Variants in RAD9A observed in about 807,000 individuals in gnomAD.
RAD9A encodes the protein cell cycle checkpoint control protein RAD9A.
In RAD9A, 25 loss-of-function variants were observed where a neutral mutation model predicts 41.2. The ratio of observed to expected loss-of-function variants is 0.61; its 90% CI spans 0.44 to 0.85. RAD9A has a LOEUF of 0.85. Ranked by LOEUF, RAD9A falls within the 40% of genes least tolerant of loss-of-function variation. The pLI, the probability that RAD9A is intolerant of heterozygous loss-of-function variation, is 0.00. For synonymous variants in RAD9A, 252 were observed against 210.6 expected (o/e 1.20, Z -1.70); for missense variants, 514 against 518.3 (o/e 0.99, Z 0.08).
At chr11:67,396,612 C>T (rs1196457354) in intron 9 of RAD9A, among the ~76,000 whole-genome samples, 3 of 152,220 alleles carry the variant, frequency 2.0e-5, no homozygotes, top group African/African-American at 4.8e-5. Context: ...CCCCTCCCAC[C>T]CAGGGAAGCA....
chr11:67,392,262 G>GGGGTTGGGGGGGGGGGGGGGGGGGGC, intron 2 of RAD9A, 31 bp downstream of exon 2: 7 of 600,702 alleles, frequency 1.2e-5, no homozygotes, highest in Non-Finnish European at 1.8e-5. Flanking sequence ...GGGCGGGTGG[G>GGGGTTGGGGGGGGGGGGGGGGGGGGC]ACTCCAGCCG....
Position 67,393,725 on chromosome 11 carries a change from C to T in RAD9A, c.384C>T (p.Asp128=). The T allele has an allele frequency of 6.2e-7, 1 of 1,613,586 alleles. No homozygotes were observed. The highest frequency in any genetic ancestry group is 8.5e-7 in the Non-Finnish European group (1 of 1,179,826). ...AGACTCACAACCTGTCCTTCCAGGACTGTGAGTCCCTGCAGGCCGTCTTCG... is the reference window on the plus strand; with the variant it reads ...AGACTCACAACCTGTCCTTCCAGGATTGTGAGTCCCTGCAGGCCGTCTTCG... ...VRKTHNLSFQ[D]CESLQAVFDP... Residue 128 remains aspartate, a synonymous_variant, in exon 5 of 11, where the codon GAC becomes GAT. Transcript: ENST00000307980.
chr11:67,392,800 G>A lies in RAD9A; in HGVS notation c.234+18G>A. 2 of 1,613,192 alleles carry A rather than the reference G, an allele frequency of 1.2e-6. No homozygotes were observed. The highest frequency in any genetic ancestry group is 8.5e-7 in the Non-Finnish European group (1 of 1,179,374). On this transcript the variant is annotated intron_variant, in intron 3 of 10. Transcript: ENST00000307980. Reference sequence around the variant, plus strand: ...TGATGAAGGTGAGGCCCTTCCCTCAGCAGTGGCACTACTCCACCCCAGGAA... The same window carrying A: ...TGATGAAGGTGAGGCCCTTCCCTCAACAGTGGCACTACTCCACCCCAGGAA...
In RAD9A at chr11:67,392,758, G is replaced by C; in HGVS notation, c.210G>C (p.Leu70=). Residue 70 remains leucine (L), a synonymous_variant, in exon 3 of 11, where the codon CTG becomes CTC. Transcript: ENST00000307980. ...AGGCAGCCACCCCTGGTCAGGACCT[G>C]CTGCGCTGTAAGATCCTGATGAAGG... ...QYQAATPGQD[L]LRCKILMKSF... The C allele has an allele frequency of 6.2e-7, 1 of 1,614,054 alleles. No homozygotes were observed. The highest frequency in any genetic ancestry group is 8.5e-7 in the Non-Finnish European group (1 of 1,179,982).
At chr11:67,392,590 G>A in intron 2 of RAD9A, 64 bp from the exon 3 acceptor site, 1 of 1,596,544 alleles carries the variant, frequency 6.3e-7, no homozygotes, top group Non-Finnish European at 8.5e-7. Context: ...AGCAGAAGCA[G>A]CCAGAGGGCT....
At chr11:67,392,346 TCA>T (rs1343639027) in intron 2 of RAD9A, 115 bp downstream of exon 2, 1 of 1,029,142 alleles carries the variant, frequency 9.7e-7, no homozygotes. Flanking sequence ...CGGCAAAGTT[TCA>T]GTTTCTTAGT....
At position 67,393,548 on chromosome 11, in the gene RAD9A, A is replaced by G; in HGVS notation, c.287A>G (p.Lys96Arg). ...SLAMLEKTVE[K>R]CCISLNGRSS... ...GCGATGCTGGAGAAGACGGTGGAAA[A>G]ATGCTGCATCTCCCTGAATGGCCGG... Residue 96 changes from lysine (K) to arginine (R), a missense_variant, in exon 4 of 11, where the codon AAA becomes AGA. Lys to Arg is a conservative substitution (Grantham distance 26). This residue lies in a region of RAD9A where 268 missense variants were observed against 279.3 expected (regional missense o/e 0.96). Transcript: ENST00000307980. 6.2e-7 allele frequency: 1 copy of G among 1,614,114 alleles called. No homozygotes were observed. The highest frequency in any genetic ancestry group is 8.5e-7 in the Non-Finnish European group (1 of 1,180,028).
chr11:67,392,020 G>A lies in RAD9A; in HGVS notation c.-25G>A. The A allele has an allele frequency of 6.4e-7, 1 of 1,552,394 alleles. No homozygotes were observed. Among genetic ancestry groups the A allele is most frequent in the South Asian group, 1.2e-5 (1 of 84,712 alleles). On this transcript the variant is annotated 5_prime_UTR_variant, in exon 1 of 11. Transcript: ENST00000307980. ...GGTCGCGGAGAGCTGGGCAGTGTTG[G>A]CCGCTGGCGGAGCGCTGGGGCAGCA...
intron 5 of RAD9A, among the ~76,000 whole-genome samples, 157 bp downstream of exon 5, chr11:67,393,947 A>C (rs1862609916): frequency 6.6e-6 from 1 of 152,132 alleles, no homozygotes. Flanking sequence ...TCAGGTCCTT[A>C]CCTGGCTCTT....
At position 67,392,851 on chromosome 11, in the gene RAD9A, G is replaced by A. The variant is rs11227782; in HGVS notation, c.234+69G>A. The A allele has an allele frequency of 3.3e-3, 5,106 of 1,568,214 alleles. 133 individuals are homozygous for A. The African/African-American group carries it at 0.06, about 19-fold the overall frequency. The stretch of plus-strand genomic sequence containing the variant: ...TCTCCACCAGCTGTGCCTCTGCCCT[G>A]GGGTACTCAGTAGATGCTAAGTGGG... On this transcript the variant is annotated intron_variant, in intron 3 of 10. Transcript: ENST00000307980.
At position 67,392,248 on chromosome 11, in the gene RAD9A, T is replaced by TGG; in HGVS notation, c.105+22_105+23dup. 88 of 321,656 alleles carry TGG rather than the reference T, an allele frequency of 2.7e-4. No individual in the cohort carries two copies. The highest frequency in any genetic ancestry group is 5.1e-4 in the Non-Finnish European group (82 of 162,374). 19.9% of individuals were successfully genotyped at this position (321,656 alleles called of 1,614,324 possible). A position where few individuals can be genotyped will look rare whatever the true frequency, so the allele number is the denominator to read the frequency against. On this transcript the variant is annotated intron_variant, in intron 2 of 10. Coordinates refer to ENST00000307980, the MANE Select transcript of RAD9A (RefSeq NM_004584.3). ...GAGGACGGGGTGAGGGGCTAGGGTGTGGGGGGCGGGTGGGACTCCAGCCGG... is the reference window on the plus strand; with the variant it reads ...GAGGACGGGGTGAGGGGCTAGGGTGTGGGGGGGGCGGGTGGGACTCCAGCCGG...
rs772112689 is a variant in RAD9A at position 67,397,574 on chromosome 11, G to C, written c.*15G>C. The C allele has an allele frequency of 6.3e-7, 1 of 1,576,932 alleles. No individual in the cohort carries two copies. Among genetic ancestry groups the C allele is most frequent in the South Asian group, 1.1e-5 (1 of 89,992 alleles). ...GTGAAGGCTGAACCAAGAACCTGAAGCCTGTACCCAGAGGCCTTGGACTAG... is the reference window on the plus strand; with the variant it reads ...GTGAAGGCTGAACCAAGAACCTGAACCCTGTACCCAGAGGCCTTGGACTAG... On this transcript the variant is annotated 3_prime_UTR_variant, in exon 11 of 11. Coordinates refer to ENST00000307980, the MANE Select transcript of RAD9A (RefSeq NM_004584.3).
chr11:67,392,186 G>C lies in RAD9A; in HGVS notation c.60G>C (p.Leu20=). The change falls in exon 2 of 11, where the codon CTG becomes CTC. Residue 20 remains leucine (L), a synonymous_variant. Coordinates refer to ENST00000307980, the MANE Select transcript of RAD9A (RefSeq NM_004584.3). ...VKVLGKAVHS[L]SRIGDELYLE... Reference sequence around the variant, plus strand: ...TGCTCGGCAAGGCCGTCCACTCCCTGTCCCGCATCGGGGACGAGCTCTACC... The same window carrying C: ...TGCTCGGCAAGGCCGTCCACTCCCTCTCCCGCATCGGGGACGAGCTCTACC... 2 of 1,612,210 alleles carry C rather than the reference G, an allele frequency of 1.2e-6. No individual in the cohort carries two copies. Among genetic ancestry groups the C allele is most frequent in the Non-Finnish European group, 1.7e-6 (2 of 1,179,760 alleles).
rs780787932 is a variant in RAD9A at position 67,392,068 on chromosome 11, C to T, written c.24C>T (p.Gly8=). 1.9e-6 allele frequency: 3 copies of T among 1,587,416 alleles called. No individual in the cohort carries two copies. The highest frequency in any genetic ancestry group is 3.5e-5 in the Admixed American group (2 of 56,412). MKCLVTG[G]NVKVLGKAVH... is the part of the protein sequence containing the mutation. ...GCATGAAGTGCCTGGTCACGGGCGGCAACGTGAAGGGTGAGTGCAGGTCGG... is the reference window on the plus strand; with the variant it reads ...GCATGAAGTGCCTGGTCACGGGCGGTAACGTGAAGGGTGAGTGCAGGTCGG... The change falls in exon 1 of 11, where the codon GGC becomes GGT. Residue 8 remains glycine (G), a synonymous_variant. Coordinates refer to ENST00000307980, the MANE Select transcript of RAD9A (RefSeq NM_004584.3).
chr11:67,395,739 CCTT>C lies in RAD9A; in HGVS notation c.476_478del (p.Phe159del). The C allele has an allele frequency of 6.2e-7, 1 of 1,610,866 alleles. No homozygotes were observed. The highest frequency in any genetic ancestry group is 8.5e-7 in the Non-Finnish European group (1 of 1,178,516). On this transcript the variant is annotated inframe_deletion, in exon 6 of 11. Coordinates refer to ENST00000307980, the MANE Select transcript of RAD9A (RefSeq NM_004584.3). ...AGGGTTCTGGGGGAGGCTGTTCTGC[CCTT>C]CTCTCCTGCACTGGCTGAAGTGACG... is the stretch of plus-strand genomic sequence containing the variant.
intron 2 of RAD9A, 42 bp from the exon 3 acceptor site, chr11:67,392,612 T>C: frequency 6.2e-7 from 1 of 1,610,264 alleles, no homozygotes. Context: ...GGTCTGTGGC[T>C]GCCCCCTGAC....
At chr11:67,395,591 A>C (rs1862660439) in intron 5 of RAD9A, 125 bp from the exon 6 acceptor site, 1 of 728,490 alleles carries the variant, frequency 1.4e-6, no homozygotes, top group Non-Finnish European at 2.2e-6. Flanking sequence ...TCTGGGCCTC[A>C]TCCACGGTGC....
rs1254532975 is a variant in RAD9A, at chr11:67,393,532, G to C, written c.271G>C (p.Glu91Gln). The change falls in exon 4 of 11, where the codon GAG becomes CAG. Residue 91 changes from glutamate to glutamine, a missense_variant. Around this residue, in one of 3 missense-constraint regions of RAD9A, gnomAD observed 268 missense variants for 279.3 expected, o/e 0.96. Transcript: ENST00000307980. ...LSVFRSLAML[E>Q]KTVEKCCISL... ...TGTCTTCCGCTCACTGGCGATGCTG[G>C]AGAAGACGGTGGAAAAATGCTGCAT... 6.2e-7 allele frequency: 1 copy of C among 1,614,080 alleles called. No homozygotes were observed. The highest frequency in any genetic ancestry group is 8.5e-7 in the Non-Finnish European group (1 of 1,180,050).
At position 67,393,722 on chromosome 11, in the gene RAD9A, G is replaced by C. The variant is rs1454081925; in HGVS notation, c.381G>C (p.Gln127His). ...GVRKTHNLSF[Q>H]DCESLQAVFD... The stretch of plus-strand genomic sequence containing the variant: ...GGAAGACTCACAACCTGTCCTTCCA[G>C]GACTGTGAGTCCCTGCAGGCCGTCT... Residue 127 changes from glutamine (Q) to histidine (H), a missense_variant, in exon 5 of 11, where the codon CAG (glutamine) becomes CAC (histidine). Physicochemically the swap from Gln to His is conservative, Grantham distance 24. This residue lies in a region of RAD9A where 268 missense variants were observed against 279.3 expected (regional missense o/e 0.96). Coordinates refer to ENST00000307980, the MANE Select transcript of RAD9A (RefSeq NM_004584.3). The C allele has an allele frequency of 6.2e-7, 1 of 1,613,498 alleles. No individual in the cohort carries two copies. Among genetic ancestry groups the C allele is most frequent in the Admixed American group, 1.7e-5 (1 of 59,982 alleles).
Sources: allele counts gnomAD v4.1 joint callset (sites outside exome capture counted in the v4.1 genomes callset), GRCh38; gene constraint gnomAD v4.1.1; regional missense constraint gnomAD v4.1.1; transcripts MANE v1.5; gene names NCBI Gene and HGNC (gene_info 2026-07-23, HGNC 2026-07-21).